FIS1: variants seen among roughly 807,000 people sequenced by gnomAD.
FIS1 encodes mitochondrial fission 1 protein.
A neutral mutation model predicts 21.6 loss-of-function variants in FIS1; 16 were observed. The observed-to-expected ratio is 0.74, with a 90% CI of 0.50 to 1.12. The LOEUF (loss-of-function observed/expected upper bound fraction) is 1.12, where lower values mean the gene tolerates loss of function less well. FIS1 is among the 50% of genes most tolerant of loss of function. The pLI is 0.00. For synonymous variants in FIS1, 92 were observed against 82.2 expected (o/e 1.12, Z -0.65); for missense variants, 198 against 190.9 (o/e 1.04, Z -0.22).
At position 101,239,863 on chromosome 7, in the gene FIS1, C is replaced by T. The variant is rs778139637; in HGVS notation, c.402G>A (p.Leu134=). Residue 134 remains leucine, a synonymous_variant, in exon 5 of 5, where the codon CTG becomes CTA. Transcript: ENST00000223136. ...VGMAIVGGMA[L]GVAGLAGLIG... ...TGAGTCCGGCCAGTCCCGCCACACC[C>T]AGGGCCATGCCTCCCACGATGGCCA... 5 of 1,609,640 alleles carry T rather than the reference C, an allele frequency of 3.1e-6. No homozygotes were observed. The highest frequency in any genetic ancestry group is 3.4e-6 in the Non-Finnish European group (4 of 1,178,114).
intron 1 of FIS1, chr7:101,244,720 C>G (rs1418896499): frequency 3.5e-6 from 2 of 573,298 alleles, no homozygotes; most frequent in African/African-American, 1.9e-5. Flanking sequence ...AGTCTAACCA[C>G]GGTCGGGCTC....
intron 4 of FIS1, 43 bp from the exon 5 acceptor site, chr7:101,239,946 G>A (rs1428621028): frequency 2.6e-6 from 4 of 1,542,488 alleles, no homozygotes; most frequent in Non-Finnish European, 3.5e-6. Context: ...GGCCCCTGCG[G>A]AAACCCTGAC....
At chr7:101,244,534 C>G (rs1798788745) in intron 1 of FIS1, 1 of 334,956 alleles carries the variant, frequency 3.0e-6, no homozygotes, top group East Asian at 6.4e-5. Flanking sequence ...CTTTTATTGT[C>G]CAGGAATAGA....
intron 2 of FIS1, among the ~76,000 whole-genome samples, chr7:101,242,355 C>A (rs907202464): frequency 3.3e-5 from 5 of 152,186 alleles, no homozygotes; most frequent in African/African-American, 1.2e-4. Flanking sequence ...ACTAGACTGG[C>A]AACACTTAGA....
In FIS1 at chr7:101,239,658, T is replaced by C. The variant is rs573564924; in HGVS notation, c.*148A>G. The stretch of plus-strand genomic sequence containing the variant: ...TTATTTACACTCATCCCAAAGCACA[T>C]GATGGGGCTGAAGGACGAATCTCAG... On this transcript the variant is annotated 3_prime_UTR_variant, in exon 5 of 5. Coordinates refer to ENST00000223136, the MANE Select transcript of FIS1 (RefSeq NM_016068.3). 2 of 716,882 alleles carry C rather than the reference T, an allele frequency of 2.8e-6. No individual in the cohort carries two copies. The highest frequency in any genetic ancestry group is 2.8e-5 in the East Asian group (1 of 35,898). 44.4% of individuals were successfully genotyped at this position (716,882 alleles called of 1,614,324 possible).
At chr7:101,243,249 C>T (rs1209041561) in intron 2 of FIS1, among the ~76,000 whole-genome samples, 1 of 152,070 alleles carries the variant, frequency 6.6e-6, no homozygotes, top group Admixed American at 6.6e-5. Flanking sequence ...GATGACCCAC[C>T]TAAAACCAAT....
At chr7:101,241,671 C>G (rs1026116381) in intron 2 of FIS1, 5 of 112,862 alleles carry the variant, frequency 4.4e-5, no homozygotes, top group African/African-American at 1.8e-4. Flanking sequence ...TTTAAAGAGA[C>G]AGGGTGGGCC....
chr7:101,239,766 G>C lies in FIS1; in HGVS notation c.*40C>G. ...AGGGAAAGGACAGCGAGGATGGACA[G>C]GCCCTCCTGGAGCGTTCTCCGTGGG... On this transcript the variant is annotated 3_prime_UTR_variant, in exon 5 of 5. Coordinates refer to ENST00000223136, the MANE Select transcript of FIS1 (RefSeq NM_016068.3). The C allele has an allele frequency of 6.6e-7, 1 of 1,511,956 alleles. No individual in the cohort carries two copies. Among genetic ancestry groups the C allele is most frequent in the Non-Finnish European group, 9.0e-7 (1 of 1,107,296 alleles). The allele number at this position is 1,511,956 out of a possible 1,614,324, so 93.7% of individuals were successfully genotyped here.
At chr7:101,241,429 C>G (rs1194852727) in intron 2 of FIS1, among the ~76,000 whole-genome samples, 2 of 151,840 alleles carry the variant, frequency 1.3e-5, no homozygotes, top group African/African-American at 2.4e-5. Context: ...CCATGTTGGC[C>G]AGGCTGGTCT....
intron 2 of FIS1, among the ~76,000 whole-genome samples, chr7:101,242,086 C>T (rs1798758513): frequency 6.6e-6 from 1 of 152,064 alleles, no homozygotes; most frequent in African/African-American, 2.4e-5. Flanking sequence ...ACTATAAGCA[C>T]ACACCACCAT....
At chr7:101,239,972 GC>G in intron 4 of FIS1, 69 bp from the exon 5 acceptor site, 1 of 1,477,242 alleles carries the variant, frequency 6.8e-7, no homozygotes, top group Non-Finnish European at 9.2e-7. Context: ...CCTTCCGCCA[GC>G]CCTGCCCCTC....
chr7:101,240,465 A>C (rs548823161), intron 3 of FIS1, among the ~76,000 whole-genome samples: 74 of 152,068 alleles, frequency 4.9e-4, no homozygotes, highest in African/African-American at 1.7e-3. Flanking sequence ...GGCCGGCTAC[A>C]CCTCAGTATC....
chr7:101,243,881 G>T (rs993407352), intron 2 of FIS1, 126 bp downstream of exon 2: 20 of 1,266,856 alleles, frequency 1.6e-5, no homozygotes, highest in Non-Finnish European at 1.9e-5. Flanking sequence ...ACTGGGAGAC[G>T]TCAAGCTAAG....
chr7:101,239,938 C>T (rs910628522), intron 4 of FIS1, 35 bp from the exon 5 acceptor site: 20 of 1,553,288 alleles, frequency 1.3e-5, no homozygotes, highest in Non-Finnish European at 1.5e-5. Flanking sequence ...AGGAGCCCGG[C>T]CCCTGCGGAA....
Position 101,240,081 on chromosome 7 carries a change from G to C in FIS1, c.361+61C>G, listed in dbSNP as rs769799403. 4.6e-5 allele frequency: 73 copies of C among 1,573,874 alleles called. 1 individual carries two copies. The South Asian group carries it at 6.6e-4, about 14-fold the overall frequency. Reference sequence around the variant, plus strand: ...CTGCCTGGAGGGGTTCATTTACAGAGAGACCAAAGTGCCCAGGCGTGGGGA... The same window carrying C: ...CTGCCTGGAGGGGTTCATTTACAGACAGACCAAAGTGCCCAGGCGTGGGGA... On this transcript the variant is annotated intron_variant, in intron 4 of 4. Transcript: ENST00000223136.
chr7:101,244,157 A>C lies in FIS1; in HGVS notation c.46-18T>G. 1 of 1,611,024 alleles carries C rather than the reference A, an allele frequency of 6.2e-7. No individual in the cohort carries two copies. On this transcript the variant is annotated intron_variant, in intron 1 of 4. Coordinates refer to ENST00000223136, the MANE Select transcript of FIS1 (RefSeq NM_016068.3). ...TCAAACTTCTGCCACAGGGGAGGAA[A>C]GGAATCATTTAGAAATGTAGGGCGT...
Position 101,240,167 on chromosome 7 carries a change from C to G in FIS1, c.336G>C (p.Arg112=). Residue 112 remains arginine (R), a synonymous_variant, in exon 4 of 5, where the codon CGG becomes CGC. Transcript: ENST00000223136. ...CTTTCTTCATGGCCTTGTCAATGAG[C>G]CGCTCCAGTTCCTTGGCCTGGTTGT... ...PQNNQAKELE[R]LIDKAMKKDG... 1 of 1,614,186 alleles carries G rather than the reference C, an allele frequency of 6.2e-7. No individual in the cohort carries two copies. Among genetic ancestry groups the G allele is most frequent in the South Asian group, 1.1e-5 (1 of 91,092 alleles).
chr7:101,244,091 T>G lies in FIS1; in HGVS notation c.94A>C (p.Lys32Gln). ...QSEKAAGSVSKSTQFEYAWCL... is the reference protein window; with the variant it reads ...QSEKAAGSVSQSTQFEYAWCL... The stretch of plus-strand genomic sequence containing the variant: ...CAGGCGTACTCAAACTGCGTGCTCT[T>G]GGACACCGAGCCTGCTGCCTTCTCA... Residue 32 changes from lysine (K) to glutamine (Q), a missense_variant, in exon 2 of 5, where the codon AAG becomes CAG. Coordinates refer to ENST00000223136, the MANE Select transcript of FIS1 (RefSeq NM_016068.3). The G allele has an allele frequency of 6.2e-7, 1 of 1,614,090 alleles. No homozygotes were observed. Among genetic ancestry groups the G allele is most frequent in the South Asian group, 1.1e-5 (1 of 91,078 alleles).
intron 3 of FIS1, 93 bp downstream of exon 3, chr7:101,240,737 C>T: frequency 8.0e-7 from 1 of 1,255,008 alleles, no homozygotes; most frequent in South Asian, 1.2e-5. Context: ...ACCCCTTCAG[C>T]CTTCCCGCTG....
Sources: gnomAD v4.1 joint callset for allele counts (sites outside exome capture counted in the v4.1 genomes callset) on GRCh38, gnomAD v4.1.1 for gene constraint, MANE v1.5 for transcripts, NCBI Gene and HGNC (gene_info 2026-07-23, HGNC 2026-07-21) for gene names.